The following RGS7 variants were observed in gnomAD, a reference collection of about 807,000 sequenced individuals.
RGS7 encodes regulator of G protein signaling 7, also known as regulator of G-protein signaling 7.
A neutral mutation model predicts 81.1 loss-of-function variants in RGS7; 27 were observed. The ratio of observed to expected loss-of-function variants is 0.33; its 90% CI spans 0.25 to 0.46. The LOEUF (loss-of-function observed/expected upper bound fraction) is 0.46, where lower values mean the gene tolerates loss of function less well. Among genes scored for constraint, RGS7 ranks in the 20% least tolerant of loss-of-function variants. The probability of loss-of-function intolerance (pLI) is 1.00; values close to 1 mark genes in which losing one functional copy is unlikely to be tolerated. For synonymous variants in RGS7, 208 were observed against 207.7 expected, an observed-to-expected ratio of 1.00 and a Z score of -0.01; for missense variants, 396 against 607.4, an observed-to-expected ratio of 0.65 and a Z score of 3.66.
intron 2 of RGS7, among the ~76,000 whole-genome samples, chr1:241,293,968 C>T (rs1367471911): frequency 6.6e-6 from 1 of 152,190 alleles, no homozygotes; most frequent in East Asian, 1.9e-4. Context: ...ATAAATCATT[C>T]TACTATAAAG....
intron 6 of RGS7, among the ~76,000 whole-genome samples, chr1:240,890,924 C>T (rs1257667312): frequency 1.3e-5 from 2 of 152,080 alleles, no homozygotes; most frequent in African/African-American, 4.8e-5. Flanking sequence ...TGGCAAGAAC[C>T]GCCATTCATT....
chr1:240,793,705 G>A (rs1686497140), intron 18 of RGS7, among the ~76,000 whole-genome samples: 1 of 147,678 alleles, frequency 6.8e-6, no homozygotes, highest in Non-Finnish European at 1.5e-5. Context: ...CACCTTCCCG[G>A]TTCACGCCAT....
At chr1:241,255,611 C>T (rs765724452) in intron 2 of RGS7, among the ~76,000 whole-genome samples, 1 of 152,164 alleles carries the variant, frequency 6.6e-6, no homozygotes, top group Non-Finnish European at 1.5e-5. Context: ...AGCCCACCAT[C>T]CTGGTTGAAG....
rs756750971 is a variant in RGS7 at position 241,135,804 on chromosome 1, A to G, written c.79-37042T>C. On this transcript the variant is annotated intron_variant, in intron 2 of 18. Transcript: ENST00000440928. Reference sequence around the variant, plus strand: ...CCTTTTTTTATTATTTTTTTTTGAGACAGAGTTGCCCAGGCTAGAGTGCAA... The same window carrying G: ...CCTTTTTTTATTATTTTTTTTTGAGGCAGAGTTGCCCAGGCTAGAGTGCAA... 1.1e-4 allele frequency among the ~76,000 whole-genome samples: 17 copies of G among 151,200 alleles called. No homozygotes were observed. The Middle Eastern group carries it at 0.01, about 92-fold the overall frequency.
At chr1:241,305,041 A>G (rs938430825) in intron 2 of RGS7, among the ~76,000 whole-genome samples, 2 of 152,154 alleles carry the variant, frequency 1.3e-5, no homozygotes, top group Non-Finnish European at 1.5e-5. Context: ...AGGTTTTAAA[A>G]TTTTCAGACC....
chr1:241,125,879 C>T (rs920908282), intron 2 of RGS7, among the ~76,000 whole-genome samples: 2 of 152,192 alleles, frequency 1.3e-5, no homozygotes, highest in Admixed American at 1.3e-4. Context: ...GACATTATTT[C>T]AGTAATCCTT....
intron 2 of RGS7, among the ~76,000 whole-genome samples, chr1:241,201,127 CCAAAT>C (rs1324423569): frequency 6.6e-6 from 1 of 152,164 alleles, no homozygotes; most frequent in Non-Finnish European, 1.5e-5. Context: ...GGTTCACTTG[CCAAAT>C]CTTGTTAATT....
At chr1:240,818,070 C>A (rs1436265966) in intron 10 of RGS7, among the ~76,000 whole-genome samples, 1 of 151,952 alleles carries the variant, frequency 6.6e-6, no homozygotes, top group Non-Finnish European at 1.5e-5. Context: ...ATATCCATTT[C>A]TTTTTTTTCT....
At chr1:240,903,747 G>A (rs1435735476) in intron 6 of RGS7, among the ~76,000 whole-genome samples, 1 of 152,128 alleles carries the variant, frequency 6.6e-6, no homozygotes, top group Non-Finnish European at 1.5e-5. Context: ...CGAATGGCTT[G>A]GTGCCATCCT....
intron 9 of RGS7, among the ~76,000 whole-genome samples, chr1:240,844,102 A>C (rs1378036684): frequency 1.3e-5 from 2 of 152,164 alleles, no homozygotes; most frequent in Non-Finnish European, 2.9e-5. Context: ...AAGGATTGCA[A>C]GAGTGGTTTA....
chr1:241,318,378 A>T (rs1573649187), intron 2 of RGS7, among the ~76,000 whole-genome samples: 1 of 152,210 alleles, frequency 6.6e-6, no homozygotes, highest in East Asian at 1.9e-4. Context: ...TATATTTGAC[A>T]TCATTTTAAA....
intron 2 of RGS7, among the ~76,000 whole-genome samples, chr1:241,270,947 T>C (rs1282766367): frequency 6.6e-6 from 1 of 151,882 alleles, no homozygotes; most frequent in African/African-American, 2.4e-5. Context: ...TTAGTAGAGA[T>C]GGGGTTTCAC....
At chr1:240,883,744 C>A (rs369820492) in intron 6 of RGS7, among the ~76,000 whole-genome samples, 3 of 152,292 alleles carry the variant, frequency 2.0e-5, no homozygotes, top group South Asian at 4.1e-4. Flanking sequence ...TGTGGTGCCA[C>A]ATTTTTTGCA....
chr1:241,017,825 C>T (rs574542305), intron 3 of RGS7, among the ~76,000 whole-genome samples: 1 of 152,114 alleles, frequency 6.6e-6, no homozygotes, highest in Admixed American at 6.5e-5. Flanking sequence ...ATCCTATTTA[C>T]CCTTTTGGTA....
At chr1:240,840,135 C>T (rs1657640291) in intron 9 of RGS7, among the ~76,000 whole-genome samples, 1 of 152,162 alleles carries the variant, frequency 6.6e-6, no homozygotes, top group South Asian at 2.1e-4. Context: ...CCAAGTTATT[C>T]TCCACACAGT....
At chr1:240,924,975 C>T (rs1674182122) in intron 6 of RGS7, among the ~76,000 whole-genome samples, 1 of 152,068 alleles carries the variant, frequency 6.6e-6, no homozygotes, top group Non-Finnish European at 1.5e-5. Context: ...ATGAGTCATA[C>T]AAGTAAGTAC....
chr1:241,352,911 C>T (rs1228010778), intron 2 of RGS7, among the ~76,000 whole-genome samples: 2 of 152,210 alleles, frequency 1.3e-5, no homozygotes, highest in Non-Finnish European at 2.9e-5. Context: ...GGAAACAGCA[C>T]ATACATATCT....
At chr1:240,982,988 C>A in intron 4 of RGS7, 91 bp downstream of exon 4, 1 of 723,456 alleles carries the variant, frequency 1.4e-6, no homozygotes, top group Non-Finnish European at 2.4e-6. Context: ...AGGAGGTTTG[C>A]TTGCGTGCCA....
chr1:241,303,297 A>G (rs746993511), intron 2 of RGS7, among the ~76,000 whole-genome samples: 14 of 151,962 alleles, frequency 9.2e-5, no homozygotes, highest in Non-Finnish European at 7.4e-5. Context: ...AGCACCTCCC[A>G]CTGCTCTCTC....
Sources: allele counts gnomAD v4.1 joint callset (sites outside exome capture counted in the v4.1 genomes callset), GRCh38; gene constraint gnomAD v4.1.1; transcripts MANE v1.5; gene names NCBI Gene and HGNC (gene_info 2026-07-23, HGNC 2026-07-21).